Variants in COL13A1 observed in about 807,000 individuals in gnomAD.
COL13A1 encodes collagen type XIII alpha 1 chain.
COL13A1 carries 89 observed loss-of-function variants against 130.9 expected under a neutral mutation model. The ratio of observed to expected loss-of-function variants is 0.68; its 90% CI spans 0.57 to 0.81. COL13A1 has a LOEUF of 0.81. COL13A1 is among the 30% of genes least tolerant of loss of function. COL13A1 has a pLI of 0.00. For synonymous variants in COL13A1, 402 were observed against 341.6 expected (o/e 1.18, Z -1.95); for missense variants, 879 against 934.6 (o/e 0.94, Z 0.78).
chr10:69,819,440 G>A (rs1845464858), intron 1 of COL13A1, among the ~76,000 whole-genome samples: 1 of 152,220 alleles, frequency 6.6e-6, no homozygotes, highest in Non-Finnish European at 1.5e-5. Flanking sequence ...GTTGGGCAGA[G>A]GAGGGGCTGA....
At position 69,845,308 on chromosome 10, in the gene COL13A1, T is replaced by C. The variant is rs549938548; in HGVS notation, c.365-22490T>C. Among the ~76,000 whole-genome samples the C allele has an allele frequency of 2.3e-3, 346 of 151,896 alleles. 2 individuals carry two copies. The highest frequency in any genetic ancestry group is 7.9e-3 in the African/African-American group (329 of 41,428). ...CCCAGGTTCAAGTGATTCTCCTGCC[T>C]CAGCCTCCCAAGTAACTGGGATTAC... On this transcript the variant is annotated intron_variant, in intron 2 of 40. Coordinates refer to ENST00000645393, the MANE Select transcript of COL13A1 (RefSeq NM_001368882.1).
intron 15 of COL13A1, 88 bp downstream of exon 15, chr10:69,902,943 C>A: frequency 9.5e-7 from 1 of 1,057,336 alleles, no homozygotes; most frequent in Non-Finnish European, 1.3e-6. Flanking sequence ...GGGTCCCCTA[C>A]AAAAAGCAGA....
At position 69,922,795 on chromosome 10, in the gene COL13A1, G is replaced by C. The variant is rs962070481; in HGVS notation, c.1230+1G>C. 40 of 1,575,440 alleles carry C rather than the reference G, an allele frequency of 2.5e-5. No homozygotes were observed. Among genetic ancestry groups the C allele is most frequent in the Non-Finnish European group, 3.3e-5 (38 of 1,160,176 alleles). On this transcript the variant is annotated splice_donor_variant, in intron 23 of 40. Transcript: ENST00000645393. LOFTEE classifies it high-confidence loss of function. ...GCTCCCTGGGCCCCCAGGGCCAAAGGTGAGTGTTCCCTGGAATTGGTGTTG... is the reference window on the plus strand; with the variant it reads ...GCTCCCTGGGCCCCCAGGGCCAAAGCTGAGTGTTCCCTGGAATTGGTGTTG...
chr10:69,858,702 A>G (rs1225168349), intron 2 of COL13A1, among the ~76,000 whole-genome samples: 2 of 152,226 alleles, frequency 1.3e-5, no homozygotes, highest in Non-Finnish European at 2.9e-5. Context: ...ATGAGGCCAC[A>G]TGGTCCTCAA....
intron 7 of COL13A1, among the ~76,000 whole-genome samples, chr10:69,882,925 C>T (rs10999007): frequency 0.062 from 9,363 of 152,168 alleles, 350 homozygotes; most frequent in Non-Finnish European, 0.083. Flanking sequence ...GGAGCAGGGA[C>T]GGGGGAAGAC....
rs149030405 is a variant in COL13A1, at chr10:69,919,846, C to T, written c.1089+119C>T. On this transcript the variant is annotated intron_variant, in intron 21 of 40. Transcript: ENST00000645393. ...CAGCGTGCTGTTGGTGCATGTGTTC[C>T]GAGATGAGGGGAGTGGCAGGACGGC... 2.5e-3 allele frequency: 993 copies of T among 397,484 alleles called. 5 individuals carry two copies. The highest frequency in any genetic ancestry group is 0.022 in the Middle Eastern group (35 of 1,584). 24.6% of individuals were successfully genotyped at this position (397,484 alleles called of 1,614,324 possible). A position where few individuals can be genotyped will look rare whatever the true frequency, so the allele number is the denominator to read the frequency against.
chr10:69,886,927 A>G (rs887129606), intron 7 of COL13A1, among the ~76,000 whole-genome samples: 2 of 152,210 alleles, frequency 1.3e-5, no homozygotes, highest in Non-Finnish European at 2.9e-5. Flanking sequence ...AGATTGCCCA[A>G]CTGCTAGGAG....
intron 17 of COL13A1, among the ~76,000 whole-genome samples, chr10:69,910,255 G>A (rs2135355844): frequency 6.6e-6 from 1 of 152,182 alleles, no homozygotes; most frequent in South Asian, 2.1e-4. Flanking sequence ...GGGCTGGGAA[G>A]ATGAGTTTGG....
intron 4 of COL13A1, among the ~76,000 whole-genome samples, chr10:69,874,592 G>A (rs1479647454): frequency 1.3e-5 from 2 of 152,186 alleles, no homozygotes; most frequent in African/African-American, 2.4e-5. Context: ...GGAGGTGGCC[G>A]AGAGGAGGGA....
At chr10:69,896,254 C>T (rs920066226) in intron 13 of COL13A1, among the ~76,000 whole-genome samples, 1 of 151,928 alleles carries the variant, frequency 6.6e-6, no homozygotes, top group Non-Finnish European at 1.5e-5. Context: ...CACCCCAAGA[C>T]ACAGAACCCA....
intron 2 of COL13A1, chr10:69,860,749 T>G (rs1419853937): frequency 7.8e-6 from 2 of 255,140 alleles, no homozygotes; most frequent in African/African-American, 4.7e-5. Flanking sequence ...AGCCCCAGGC[T>G]GCTATCCCCC....
In COL13A1 at chr10:69,925,091, T is replaced by C. The variant is rs1589557459; in HGVS notation, c.1329+84T>C. ...TCTGAGACAGGTCTCAATTAATATT[T>C]AGAAGTTTATTTTGCCAAGGTTAAG... On this transcript the variant is annotated intron_variant, in intron 25 of 40. Transcript: ENST00000645393. The C allele has an allele frequency of 5.2e-6, 7 of 1,356,538 alleles. No homozygotes were observed. The East Asian group carries it at 1.9e-4, about 38-fold the overall frequency. The allele number at this position is 1,356,538 out of a possible 1,614,324, so 84.0% of individuals were successfully genotyped here.
At chr10:69,952,736 C>A in intron 38 of COL13A1, 146 bp from the exon 39 acceptor site, 1 of 594,938 alleles carries the variant, frequency 1.7e-6, no homozygotes, top group Non-Finnish European at 2.7e-6. Flanking sequence ...GGTATTGACT[C>A]CAAATCCTAC....
intron 38 of COL13A1, among the ~76,000 whole-genome samples, chr10:69,948,898 T>C (rs2068951139): frequency 6.6e-6 from 1 of 152,158 alleles, no homozygotes; most frequent in African/African-American, 2.4e-5. Context: ...GCCCCAGGAA[T>C]CAGTGGGAAA....
chr10:69,927,577 G>T (rs2065539702), intron 27 of COL13A1, among the ~76,000 whole-genome samples: 1 of 152,164 alleles, frequency 6.6e-6, no homozygotes, highest in South Asian at 2.1e-4. Flanking sequence ...TTTCAAGTCT[G>T]GGTTTTGTAC....
chr10:69,888,996 A>G (rs568436081), intron 9 of COL13A1, among the ~76,000 whole-genome samples: 24 of 152,144 alleles, frequency 1.6e-4, no homozygotes, highest in Non-Finnish European at 2.9e-4. Context: ...CGCCTCTCTC[A>G]GTTGAGGGAC....
intron 2 of COL13A1, among the ~76,000 whole-genome samples, chr10:69,858,419 A>G (rs938889329): frequency 6.6e-6 from 1 of 152,204 alleles, no homozygotes; most frequent in African/African-American, 2.4e-5. Context: ...CAGCTTGCCC[A>G]AGGTCACACA....
intron 1 of COL13A1, among the ~76,000 whole-genome samples, chr10:69,817,938 C>T (rs1169746629): frequency 1.3e-5 from 2 of 152,130 alleles, no homozygotes; most frequent in Non-Finnish European, 2.9e-5. Flanking sequence ...AAAATAAACT[C>T]TGGGCAGGCC....
intron 2 of COL13A1, among the ~76,000 whole-genome samples, chr10:69,832,324 G>A (rs1016570450): frequency 2.0e-5 from 3 of 152,144 alleles, no homozygotes; most frequent in Admixed American, 6.5e-5. Flanking sequence ...ACAGGTTTAG[G>A]GGCCTTAGTT....
Sources: allele counts gnomAD v4.1 joint callset (sites outside exome capture counted in the v4.1 genomes callset), GRCh38; gene constraint gnomAD v4.1.1; transcripts MANE v1.5; gene names NCBI Gene and HGNC (gene_info 2026-07-23, HGNC 2026-07-21).